Variants in CLEC3A observed in about 807,000 individuals in gnomAD.
CLEC3A encodes C-type (calcium dependent, carbohydrate-recognition domain) lectin, superfamily member 1 (cartilage-derived).
In CLEC3A, 28 loss-of-function variants were observed where a neutral mutation model predicts 20.4. The observed-to-expected ratio is 1.37, with a 90% CI of 1.02 to 1.88. CLEC3A has a LOEUF of 1.88. Among genes scored for constraint, CLEC3A ranks in the 40% most tolerant of loss-of-function variants. The pLI is 0.00. For missense variants in CLEC3A, 357 were observed against 240.4 expected (o/e 1.48, Z -3.21); for synonymous variants, 110 against 88.1 (o/e 1.25, Z -1.39).
chr16:78,030,078 G>A (rs954996633), intron 2 of CLEC3A, among the ~76,000 whole-genome samples: 1 of 151,202 alleles, frequency 6.6e-6, no homozygotes, highest in South Asian at 2.1e-4. Context: ...GCGTGAATCC[G>A]GGAGGCGGAG....
chr16:78,025,102 C>T (rs375015137), intron 1 of CLEC3A, among the ~76,000 whole-genome samples: 2 of 152,172 alleles, frequency 1.3e-5, no homozygotes, highest in South Asian at 4.1e-4. Context: ...AGCCATCATA[C>T]CCAGCCTATT....
At position 78,030,497 on chromosome 16, in the gene CLEC3A, G is replaced by C; in HGVS notation, c.250G>C (p.Gly84Arg). ...CAAGAAATGCTACCTTGCTTCAGAA[G>C]GTTTGAAGCATTTCCATGAGGCCAA... ...VHKKCYLASE[G>R]LKHFHEANED... Residue 84 changes from glycine (G) to arginine (R), a missense_variant, in exon 3 of 3, where the codon GGT (glycine) becomes CGT (arginine). Physicochemically the swap from Gly to Arg is moderately radical, Grantham distance 125 (BLOSUM62 -2). Coordinates refer to ENST00000299642, the MANE Select transcript of CLEC3A (RefSeq NM_005752.6). The C allele has an allele frequency of 1.2e-6, 2 of 1,613,362 alleles. No individual in the cohort carries two copies. Among genetic ancestry groups the C allele is most frequent in the Admixed American group, 1.7e-5 (1 of 59,940 alleles).
At chr16:78,024,025 G>T (rs987167013) in intron 1 of CLEC3A, among the ~76,000 whole-genome samples, 2 of 151,992 alleles carry the variant, frequency 1.3e-5, no homozygotes, top group African/African-American at 4.8e-5. Context: ...CCAAAGTGCT[G>T]GAATTACAGG....
intron 1 of CLEC3A, 100 bp downstream of exon 1, chr16:78,022,841 G>A (rs1457210795): frequency 1.1e-5 from 14 of 1,236,428 alleles, no homozygotes; most frequent in South Asian, 1.4e-5. Context: ...ACTATCTTCG[G>A]TGATGGCACC....
Position 78,030,894 on chromosome 16 carries a change from T to C in CLEC3A, c.*53T>C, listed in dbSNP as rs1245723193. The C allele has an allele frequency of 6.6e-7, 1 of 1,515,266 alleles. No individual in the cohort carries two copies. 93.9% of individuals were successfully genotyped at this position (1,515,266 alleles called of 1,614,324 possible). The stretch of plus-strand genomic sequence containing the variant: ...AGATTCATCATAACTTATAGGTTCA[T>C]GATCTCTAAGATCAAGTAAAAATCA... On this transcript the variant is annotated 3_prime_UTR_variant, in exon 3 of 3. Coordinates refer to ENST00000299642, the MANE Select transcript of CLEC3A (RefSeq NM_005752.6).
chr16:78,022,619 C>T lies in CLEC3A; in HGVS notation c.-8C>T, dbSNP rs2018764318. ...GGCAACATGGCTCAGCAGGCTTGCC[C>T]CAGAGCCATGGCAAAGAATGGACTT... On this transcript the variant is annotated 5_prime_UTR_variant, in exon 1 of 3. Transcript: ENST00000299642. 1.2e-6 allele frequency: 2 copies of T among 1,613,794 alleles called. No individual in the cohort carries two copies. The highest frequency in any genetic ancestry group is 2.7e-5 in the African/African-American group (2 of 74,896).
intron 2 of CLEC3A, chr16:78,028,999 A>C: frequency 2.5e-6 from 1 of 397,478 alleles, no homozygotes; most frequent in Non-Finnish European, 4.9e-6. Context: ...AAAGACAGTC[A>C]AATGCTTATG....
At chr16:78,022,774 G>C in intron 1 of CLEC3A, 33 bp downstream of exon 1, 1 of 1,611,898 alleles carries the variant, frequency 6.2e-7, no homozygotes, top group Non-Finnish European at 8.5e-7. Context: ...CAAAATTCTA[G>C]GCTTAGACAG....
At chr16:78,029,252 A>G (rs927374568) in intron 2 of CLEC3A, 14 of 366,838 alleles carry the variant, frequency 3.8e-5, no homozygotes, top group African/African-American at 1.9e-4. Flanking sequence ...GCTACGGCCT[A>G]AAACTATCTT....
chr16:78,026,456 G>A, intron 1 of CLEC3A, among the ~76,000 whole-genome samples: 1 of 152,216 alleles, frequency 6.6e-6, no homozygotes, highest in East Asian at 1.9e-4. Context: ...CTGTGCAGAA[G>A]CAGGTAAGAG....
chr16:78,026,283 T>A (rs1013144018), intron 1 of CLEC3A, among the ~76,000 whole-genome samples: 2 of 152,180 alleles, frequency 1.3e-5, no homozygotes, highest in Non-Finnish European at 2.9e-5. Context: ...GACAGTGAAT[T>A]AGCACATGTG....
rs750149686 is a variant in CLEC3A at position 78,022,578 on chromosome 16, C to T, written c.-49C>T. The stretch of plus-strand genomic sequence containing the variant: ...GTAGCTGTGTAGTCTCCTTCCATAG[C>T]TGCTCTAAGGGGGCTGGCAACATGG... On this transcript the variant is annotated 5_prime_UTR_variant, in exon 1 of 3. Coordinates refer to ENST00000299642, the MANE Select transcript of CLEC3A (RefSeq NM_005752.6). 5.6e-6 allele frequency: 9 copies of T among 1,604,922 alleles called. No individual in the cohort carries two copies. The highest frequency in any genetic ancestry group is 2.7e-5 in the African/African-American group (2 of 74,616).
Position 78,022,748 on chromosome 16 carries a change from G to A in CLEC3A, c.115+7G>A. 1 of 1,613,368 alleles carries A rather than the reference G, an allele frequency of 6.2e-7. No homozygotes were observed. The highest frequency in any genetic ancestry group is 8.5e-7 in the Non-Finnish European group (1 of 1,179,908). On this transcript the variant is annotated splice_region_variant and intron_variant, in intron 1 of 2. Transcript: ENST00000299642. ...AGCAAACGTCGAGTGAGAGGTAATG[G>A]GGCTTCTCAATCAAGCAAAATTCTA... is the stretch of plus-strand genomic sequence containing the variant.
At chr16:78,027,922 C>T (rs1168953734) in intron 1 of CLEC3A, among the ~76,000 whole-genome samples, 185 bp from the exon 2 acceptor site, 4 of 152,272 alleles carry the variant, frequency 2.6e-5, no homozygotes, top group Admixed American at 2.6e-4. Flanking sequence ...TCCCCAAGTG[C>T]TGGGATTACA....
chr16:78,029,055 A>C (rs749750589), intron 2 of CLEC3A: 13 of 449,718 alleles, frequency 2.9e-5, no homozygotes, highest in South Asian at 2.1e-4. Context: ...CAGGTACTAG[A>C]AATTCTTTAT....
chr16:78,022,677 G>A lies in CLEC3A; in HGVS notation c.51G>A (p.Leu17=), dbSNP rs938230619. The change falls in exon 1 of 3, where the codon CTG becomes CTA. Residue 17 remains leucine, a synonymous_variant. Coordinates refer to ENST00000299642, the MANE Select transcript of CLEC3A (RefSeq NM_005752.6). ...GCATCCTGGTGATCACCTTACTCCTGGACCAGACCACCAGCCACACATCCA... is the reference window on the plus strand; with the variant it reads ...GCATCCTGGTGATCACCTTACTCCTAGACCAGACCACCAGCCACACATCCA... ...VICILVITLL[L]DQTTSHTSRL... is the part of the protein sequence containing the mutation. 1.2e-6 allele frequency: 2 copies of A among 1,614,110 alleles called. No homozygotes were observed. The highest frequency in any genetic ancestry group is 1.1e-5 in the South Asian group (1 of 91,080).
At chr16:78,026,193 G>A (rs909672702) in intron 1 of CLEC3A, among the ~76,000 whole-genome samples, 1 of 152,098 alleles carries the variant, frequency 6.6e-6, no homozygotes, top group African/African-American at 2.4e-5. Context: ...CAGAGGCAGG[G>A]GCCACCCCTG....
chr16:78,028,371 C>T (rs2029987386), intron 2 of CLEC3A, among the ~76,000 whole-genome samples, 181 bp downstream of exon 2: 1 of 152,150 alleles, frequency 6.6e-6, no homozygotes, highest in Admixed American at 6.5e-5. Context: ...TCCCATTCTC[C>T]TATATATGGG....
At chr16:78,030,069 C>A (rs1049088457) in intron 2 of CLEC3A, among the ~76,000 whole-genome samples, 4 of 144,544 alleles carry the variant, frequency 2.8e-5, no homozygotes, top group South Asian at 2.2e-4. Flanking sequence ...GGGAGAATGG[C>A]GTGAATCCGG....
Sources: allele counts gnomAD v4.1 joint callset (sites outside exome capture counted in the v4.1 genomes callset), GRCh38; gene constraint gnomAD v4.1.1; transcripts MANE v1.5; gene names NCBI Gene and HGNC (gene_info 2026-07-23, HGNC 2026-07-21).